Variants in SHISA6 observed in about 807,000 individuals in gnomAD.
SHISA6 encodes the protein protein shisa-6.
SHISA6 carries 22 observed loss-of-function variants against 47.9 expected under a neutral mutation model. The observed-to-expected ratio is 0.46, with a 90% CI of 0.33 to 0.66. SHISA6 has a LOEUF of 0.66. Among genes scored for constraint, SHISA6 ranks in the 30% least tolerant of loss-of-function variants. The pLI, the probability that SHISA6 is intolerant of heterozygous loss-of-function variation, is 0.02. For synonymous variants in SHISA6, 388 were observed against 337.8 expected (o/e 1.15, Z -1.63); for missense variants, 680 against 764.6 (o/e 0.89, Z 1.30).
At chr17:11,528,820 T>G (rs889282705) in intron 3 of SHISA6, among the ~76,000 whole-genome samples, 1 of 152,204 alleles carries the variant, frequency 6.6e-6, no homozygotes, top group African/African-American at 2.4e-5. Flanking sequence ...GATTCTCCTT[T>G]TATAGTCAAC....
intron 2 of SHISA6, among the ~76,000 whole-genome samples, chr17:11,325,273 G>A (rs1311819229): frequency 6.6e-6 from 1 of 152,194 alleles, no homozygotes; most frequent in Non-Finnish European, 1.5e-5. Context: ...CAGGTTGAAT[G>A]GCACGAGCTC....
rs1024119183 is a variant in SHISA6, at chr17:11,557,771, G to A, written c.1123G>A (p.Glu375Lys). 3 of 1,546,586 alleles carry A rather than the reference G, an allele frequency of 1.9e-6. No individual in the cohort carries two copies. The highest frequency in any genetic ancestry group is 2.6e-6 in the Non-Finnish European group (3 of 1,143,880). Residue 375 changes from glutamate (E) to lysine (K), a missense_variant, in exon 6 of 6, where the codon GAG (glutamate) becomes AAG (lysine). Around this residue, in one of 2 missense-constraint regions of SHISA6, gnomAD observed 559 missense variants for 674.1 expected, o/e 0.83. Coordinates refer to ENST00000441885, the MANE Select transcript of SHISA6 (RefSeq NM_207386.4). ...LKRLTDKEAD[E>K]YYMRRRHLPD... Reference sequence around the variant, plus strand: ...CCCTGCAGCCGACAAGGAGGCTGACGAGTATTACATGAGACGGCGGCACCT... The same window carrying A: ...CCCTGCAGCCGACAAGGAGGCTGACAAGTATTACATGAGACGGCGGCACCT...
intron 3 of SHISA6, among the ~76,000 whole-genome samples, chr17:11,532,171 C>T (rs752117214): frequency 2.0e-5 from 3 of 152,224 alleles, no homozygotes; most frequent in Admixed American, 6.5e-5. Flanking sequence ...ACTTGACCAG[C>T]GCCAGCCGAT....
Position 11,558,819 on chromosome 17 carries a change from C to G in SHISA6, c.*515C>G, listed in dbSNP as rs2072011292. ...TGCCTAAAAACTGCCTGCTCGCTCT[C>G]TCAGAGCCAGGGAGCTGCTGTGTCC... On this transcript the variant is annotated 3_prime_UTR_variant, in exon 6 of 6. Coordinates refer to ENST00000441885, the MANE Select transcript of SHISA6 (RefSeq NM_207386.4). The G allele has an allele frequency of 5.9e-6, 1 of 170,570 alleles. No homozygotes were observed. Among genetic ancestry groups the G allele is most frequent in the African/African-American group, 2.4e-5 (1 of 41,888 alleles). The allele number at this position is 170,570 out of a possible 1,614,324, so 10.6% of individuals were successfully genotyped here.
intron 3 of SHISA6, among the ~76,000 whole-genome samples, chr17:11,481,257 C>T (rs773263353): frequency 8.6e-5 from 13 of 150,686 alleles, no homozygotes; most frequent in Admixed American, 2.0e-4. Context: ...CCAGCCTGGA[C>T]GACAGAGCAA....
Position 11,258,851 on chromosome 17 carries a change from C to T in SHISA6, c.639-4515C>T, listed in dbSNP as rs142303809. Among the ~76,000 whole-genome samples, 483 of 152,256 alleles carry T rather than the reference C, an allele frequency of 3.2e-3. 2 individuals are homozygous for T. Among genetic ancestry groups the T allele is most frequent in the Middle Eastern group, 0.014 (4 of 294 alleles). ...AGGTCTGGGTAGGTCTTTGCCCCAA[C>T]GATTAAACACTCTCTAAAATCTTGT... is the stretch of plus-strand genomic sequence containing the variant. On this transcript the variant is annotated intron_variant, in intron 1 of 5. Coordinates refer to ENST00000441885, the MANE Select transcript of SHISA6 (RefSeq NM_207386.4).
At chr17:11,340,751 G>A (rs905770475) in intron 2 of SHISA6, among the ~76,000 whole-genome samples, 3 of 152,202 alleles carry the variant, frequency 2.0e-5, no homozygotes, top group Admixed American at 2.0e-4. Flanking sequence ...TTACAGGAAG[G>A]CTACCTAACA....
chr17:11,258,758 A>G (rs1340258333), intron 1 of SHISA6, among the ~76,000 whole-genome samples: 1 of 152,222 alleles, frequency 6.6e-6, no homozygotes, highest in African/African-American at 2.4e-5. Context: ...AAAAGGTTGT[A>G]GAGCTGTTGA....
chr17:11,315,827 T>C (rs1910491755), intron 2 of SHISA6, among the ~76,000 whole-genome samples: 2 of 152,320 alleles, frequency 1.3e-5, no homozygotes, highest in South Asian at 4.1e-4. Flanking sequence ...TGGTTTGGTT[T>C]AGGTATGAGA....
intron 2 of SHISA6, among the ~76,000 whole-genome samples, chr17:11,291,379 T>C (rs1909535087): frequency 6.6e-6 from 1 of 152,040 alleles, no homozygotes; most frequent in Admixed American, 6.6e-5. Flanking sequence ...CTTACACCTG[T>C]AATCTCAGCA....
chr17:11,358,401 C>T (rs1009448626), intron 2 of SHISA6, among the ~76,000 whole-genome samples: 1 of 152,046 alleles, frequency 6.6e-6, no homozygotes, highest in Non-Finnish European at 1.5e-5. Flanking sequence ...CTCCTGTCGC[C>T]CAGGCTGGAG....
At chr17:11,367,437 A>G (rs1342274069) in intron 2 of SHISA6, among the ~76,000 whole-genome samples, 1 of 152,222 alleles carries the variant, frequency 6.6e-6, no homozygotes, top group Non-Finnish European at 1.5e-5. Flanking sequence ...TGAAGGGCAC[A>G]GAGAACAGGG....
intron 3 of SHISA6, among the ~76,000 whole-genome samples, chr17:11,454,783 C>T (rs1013991876): frequency 4.6e-5 from 7 of 152,106 alleles, no homozygotes; most frequent in East Asian, 1.9e-4. Flanking sequence ...TATTTCTTTC[C>T]GATTCAAATG....
intron 3 of SHISA6, among the ~76,000 whole-genome samples, chr17:11,422,801 C>A (rs1914488130): frequency 6.7e-6 from 1 of 150,154 alleles, no homozygotes; most frequent in South Asian, 2.1e-4. Context: ...GCCAGGAGAT[C>A]TTCACAGACT....
intron 2 of SHISA6, among the ~76,000 whole-genome samples, chr17:11,271,660 A>G (rs1313026319): frequency 7.6e-6 from 1 of 132,090 alleles, no homozygotes; most frequent in South Asian, 2.3e-4. Context: ...GGGTTTCACC[A>G]TGTTGGCCAG....
chr17:11,548,958 T>C (rs528770348), intron 3 of SHISA6, among the ~76,000 whole-genome samples: 39 of 152,366 alleles, frequency 2.6e-4, no homozygotes, highest in African/African-American at 9.4e-4. Context: ...TAGATATTTT[T>C]ATCTGTGTGC....
chr17:11,341,257 C>T (rs75257095), intron 2 of SHISA6, among the ~76,000 whole-genome samples: 12,817 of 151,020 alleles, frequency 0.085, 833 homozygotes, highest in East Asian at 0.23. Context: ...GCAGCAGTTA[C>T]GGGCCTTGTA....
chr17:11,472,587 G>A (rs1327231415), intron 3 of SHISA6, among the ~76,000 whole-genome samples: 1 of 152,190 alleles, frequency 6.6e-6, no homozygotes, highest in Non-Finnish European at 1.5e-5. Context: ...GGACATCTTA[G>A]TTTCTTCTAA....
Position 11,558,331 on chromosome 17 carries a change from G to A in SHISA6, c.*27G>A, listed in dbSNP as rs759475035. The A allele has an allele frequency of 2.0e-6, 3 of 1,531,152 alleles. No homozygotes were observed. The Admixed American group carries it at 5.9e-5, about 30-fold the overall frequency. 94.8% of individuals were successfully genotyped at this position (1,531,152 alleles called of 1,614,324 possible). ...CGGCGGGGCAGGGCCGGGGCTGCTGGGCGTGGCAGAGCAGAGCGGGGGCCG... is the reference window on the plus strand; with the variant it reads ...CGGCGGGGCAGGGCCGGGGCTGCTGAGCGTGGCAGAGCAGAGCGGGGGCCG... On this transcript the variant is annotated 3_prime_UTR_variant, in exon 6 of 6. Coordinates refer to ENST00000441885, the MANE Select transcript of SHISA6 (RefSeq NM_207386.4).
Sources: allele counts gnomAD v4.1 joint callset (sites outside exome capture counted in the v4.1 genomes callset), GRCh38; gene constraint gnomAD v4.1.1; regional missense constraint gnomAD v4.1.1; transcripts MANE v1.5; gene names NCBI Gene and HGNC (gene_info 2026-07-23, HGNC 2026-07-21).